Variants in DCC observed in about 807,000 individuals in gnomAD.
DCC encodes the protein DCC netrin 1 receptor, also known as netrin receptor DCC.
Under a neutral mutation model 172.5 loss-of-function variants are expected in DCC, and 58 were observed. That is an observed-to-expected ratio of 0.34 (90% CI 0.27 to 0.42). The LOEUF is 0.42. DCC is among the 10% of genes least tolerant of loss of function. The probability of loss-of-function intolerance (pLI) is 1.00; values close to 1 mark genes in which losing one functional copy is unlikely to be tolerated. For missense variants in DCC, 1,740 were observed against 1,791.0 expected (o/e 0.97, Z 0.51); for synonymous variants, 709 against 644.5 (o/e 1.10, Z -1.52).
intron 2 of DCC, among the ~76,000 whole-genome samples, chr18:52,902,914 T>G (rs2039830548): frequency 6.6e-6 from 1 of 152,210 alleles, no homozygotes; most frequent in Non-Finnish European, 1.5e-5. Context: ...CATTGCATTG[T>G]TAACTTTTAA....
intron 5 of DCC, among the ~76,000 whole-genome samples, chr18:52,938,801 G>A (rs2040419142): frequency 1.3e-5 from 2 of 152,052 alleles, no homozygotes; most frequent in South Asian, 4.2e-4. Context: ...ATCCATAACA[G>A]TTCAATCTCC....
chr18:53,183,071 T>C (rs984453136), intron 9 of DCC, among the ~76,000 whole-genome samples: 1 of 152,166 alleles, frequency 6.6e-6, no homozygotes, highest in African/African-American at 2.4e-5. Context: ...AATTGTACAC[T>C]AAAATTACAT....
chr18:53,384,343 C>T (rs1046322597), intron 15 of DCC, among the ~76,000 whole-genome samples: 4 of 151,898 alleles, frequency 2.6e-5, no homozygotes, highest in Admixed American at 6.6e-5. Flanking sequence ...TTTTCTAAGT[C>T]ATATATTATT....
At chr18:52,543,809 T>C (rs559169685) in intron 1 of DCC, among the ~76,000 whole-genome samples, 1 of 152,272 alleles carries the variant, frequency 6.6e-6, no homozygotes, top group African/African-American at 2.4e-5. Context: ...GCCTTGCCCA[T>C]TGAGCTGAGC....
Position 53,277,752 on chromosome 18 carries a change from G to T in DCC, c.1912-27826G>T, listed in dbSNP as rs191815368. ...TCAGCTCCACAGTGCCTCAGCCACA[G>T]AGCAGATCAGCAGCCATGCTGTCAT... On this transcript the variant is annotated intron_variant, in intron 12 of 28. Transcript: ENST00000442544. Among the ~76,000 whole-genome samples the T allele has an allele frequency of 3.0e-3, 464 of 152,240 alleles. 1 individual carries two copies. Among genetic ancestry groups the T allele is most frequent in the Non-Finnish European group, 4.7e-3 (321 of 68,000 alleles).
intron 2 of DCC, among the ~76,000 whole-genome samples, chr18:52,818,866 G>A (rs146805115): frequency 1.8e-3 from 268 of 152,294 alleles, no homozygotes; most frequent in African/African-American, 6.0e-3. Flanking sequence ...GCTAGTTAGA[G>A]AACAGATACA....
intron 1 of DCC, among the ~76,000 whole-genome samples, chr18:52,345,133 T>A (rs967773946): frequency 6.6e-6 from 1 of 152,198 alleles, no homozygotes; most frequent in Non-Finnish European, 1.5e-5. Context: ...TTTTGAAGGA[T>A]TAATCTACCT....
intron 1 of DCC, among the ~76,000 whole-genome samples, chr18:52,543,019 C>T (rs2032505529): frequency 6.6e-6 from 1 of 152,192 alleles, no homozygotes. Flanking sequence ...AAGATGAGAG[C>T]TTTTTACCTC....
At chr18:53,267,161 GAGAGACAGAGACAGAGAGAC>G in intron 12 of DCC, among the ~76,000 whole-genome samples, 1 of 151,738 alleles carries the variant, frequency 6.6e-6, no homozygotes, top group Non-Finnish European at 1.5e-5. Flanking sequence ...GAGAGAGAGA[GAGAGACAGAGACAGAGAGAC>G]AGAGACAGAG....
intron 12 of DCC, among the ~76,000 whole-genome samples, chr18:53,225,875 A>C (rs2056019958): frequency 6.6e-6 from 1 of 152,100 alleles, no homozygotes; most frequent in Non-Finnish European, 1.5e-5. Flanking sequence ...ATGTTTTTCC[A>C]GGGAAGAACG....
In DCC at chr18:52,500,113, G is replaced by GTT. The variant is rs34895630; in HGVS notation, c.91+159247_91+159248dup. On this transcript the variant is annotated intron_variant, in intron 1 of 28. Transcript: ENST00000442544. ...TGTTCTGGAAACGTTATTTTCACTA[G>GTT]TTTTTTTTTTTTTGCTCACACCAAG... Among the ~76,000 whole-genome samples, 85 of 144,872 alleles carry GTT rather than the reference G, an allele frequency of 5.9e-4. 1 individual carries two copies. The highest frequency in any genetic ancestry group is 3.6e-3 in the Middle Eastern group (1 of 276).
intron 1 of DCC, among the ~76,000 whole-genome samples, chr18:52,609,897 G>T (rs1217696064): frequency 6.6e-6 from 1 of 151,712 alleles, no homozygotes; most frequent in Admixed American, 6.6e-5. Flanking sequence ...CACTGTATAA[G>T]GTAGGAGTGA....
intron 2 of DCC, chr18:52,818,017 T>C (rs2038334880): frequency 8.5e-5 from 13 of 152,152 alleles, no homozygotes; most frequent in Admixed American, 8.5e-4. Context: ...GAGGTAGTGA[T>C]GATAGTTTCC....
chr18:52,544,176 G>A (rs1272296972), intron 1 of DCC, among the ~76,000 whole-genome samples: 2 of 152,182 alleles, frequency 1.3e-5, no homozygotes, highest in Non-Finnish European at 2.9e-5. Flanking sequence ...TAGCTTTCAT[G>A]AATGTGAATT....
intron 8 of DCC, among the ~76,000 whole-genome samples, chr18:53,164,346 A>G (rs1489733227): frequency 1.3e-5 from 2 of 152,176 alleles, no homozygotes; most frequent in South Asian, 2.1e-4. Context: ...CCTGGGCTCA[A>G]TGGATCCTTC....
At chr18:52,516,692 G>A (rs1434654144) in intron 1 of DCC, among the ~76,000 whole-genome samples, 2 of 152,096 alleles carry the variant, frequency 1.3e-5, no homozygotes, top group Non-Finnish European at 2.9e-5. Context: ...TACCTGAAAA[G>A]GTCATTATTG....
intron 24 of DCC, among the ~76,000 whole-genome samples, chr18:53,463,747 T>C (rs1216354489): frequency 6.6e-6 from 1 of 152,228 alleles, no homozygotes; most frequent in Non-Finnish European, 1.5e-5. Flanking sequence ...CCCAAATTAA[T>C]GTTTTGTTGA....
intron 7 of DCC, among the ~76,000 whole-genome samples, chr18:53,155,460 T>C (rs954489724): frequency 2.0e-5 from 3 of 152,168 alleles, no homozygotes; most frequent in Non-Finnish European, 4.4e-5. Context: ...AACAGAGTTA[T>C]CACAGCAAAG....
At chr18:52,414,704 T>C (rs1284373804) in intron 1 of DCC, among the ~76,000 whole-genome samples, 1 of 152,214 alleles carries the variant, frequency 6.6e-6, no homozygotes, top group Non-Finnish European at 1.5e-5. Flanking sequence ...GTTGTGGTCA[T>C]AGGAACCTGA....
Sources: allele counts gnomAD v4.1 joint callset (sites outside exome capture counted in the v4.1 genomes callset), GRCh38; gene constraint gnomAD v4.1.1; transcripts MANE v1.5; gene names NCBI Gene and HGNC (gene_info 2026-07-23, HGNC 2026-07-21).